Variants in CIMIP6 observed in about 807,000 individuals in gnomAD.
CIMIP6 encodes the protein uncharacterized protein C2orf73.
At chr2:54,359,492 C>G in the CIMIP6 span, among the ~76,000 whole-genome samples, 1 of 151,878 alleles carries the variant, frequency 6.6e-6, no homozygotes, top group African/African-American at 2.4e-5. Context: ...ATGCTGGGCA[C>G]AGTGACTTGA....
the CIMIP6 span, among the ~76,000 whole-genome samples, chr2:54,365,288 C>A: frequency 2.0e-5 from 3 of 151,902 alleles, no homozygotes; most frequent in African/African-American, 7.3e-5. Context: ...CTGGTTTGAA[C>A]CAGGAAACTT....
chr2:54,350,313 C>T, the CIMIP6 span, among the ~76,000 whole-genome samples: 1 of 152,218 alleles, frequency 6.6e-6, no homozygotes, highest in Non-Finnish European at 1.5e-5. Flanking sequence ...AAACAACAAT[C>T]ATCTTATTAG....
At chr2:54,333,841 G>A in the CIMIP6 span, among the ~76,000 whole-genome samples, 75 of 152,170 alleles carry the variant, frequency 4.9e-4, no homozygotes, top group African/African-American at 1.7e-3. Flanking sequence ...TGCAGTGAGC[G>A]GAGATAGCAC....
At chr2:54,366,067 T>C in the CIMIP6 span, among the ~76,000 whole-genome samples, 1 of 152,196 alleles carries the variant, frequency 6.6e-6, no homozygotes, top group East Asian at 1.9e-4. Context: ...AGTCATTACC[T>C]CTGTCTTACT....
At chr2:54,378,823 C>G in the CIMIP6 span, among the ~76,000 whole-genome samples, 5 of 152,322 alleles carry the variant, frequency 3.3e-5, no homozygotes, top group East Asian at 9.6e-4. Context: ...ACCCGCATGT[C>G]CTGAATTCTT....
chr2:54,346,871 C>G, the CIMIP6 span, among the ~76,000 whole-genome samples: 2,351 of 152,286 alleles, frequency 0.015, 65 homozygotes, highest in African/African-American at 0.054. Flanking sequence ...TACTTCTCAA[C>G]GTTCATAGAA....
chr2:54,366,076 C>T, the CIMIP6 span, among the ~76,000 whole-genome samples: 1 of 152,140 alleles, frequency 6.6e-6, no homozygotes, highest in Non-Finnish European at 1.5e-5. Flanking sequence ...CTCTGTCTTA[C>T]TAATAAAATC....
At chr2:54,369,723 G>A in the CIMIP6 span, among the ~76,000 whole-genome samples, 4 of 152,256 alleles carry the variant, frequency 2.6e-5, no homozygotes, top group Admixed American at 6.5e-5. Context: ...AGGCCACAAG[G>A]TAGTTTGTAA....
At chr2:54,364,638 G>A in the CIMIP6 span, among the ~76,000 whole-genome samples, 7 of 152,172 alleles carry the variant, frequency 4.6e-5, no homozygotes, top group African/African-American at 1.7e-4. Flanking sequence ...ATTCCCAGAT[G>A]TTAACCAACA....
the CIMIP6 span, among the ~76,000 whole-genome samples, chr2:54,335,256 A>T: frequency 2.0e-5 from 3 of 152,188 alleles, no homozygotes; most frequent in Non-Finnish European, 4.4e-5. Context: ...GGGTCAGATT[A>T]TTGCCACAAA....
At chr2:54,349,115 C>A in the CIMIP6 span, among the ~76,000 whole-genome samples, 10 of 152,296 alleles carry the variant, frequency 6.6e-5, no homozygotes, top group African/African-American at 2.4e-4. Flanking sequence ...TTTTGAATTG[C>A]AAATTCAGAT....
At chr2:54,360,384 A>G in the CIMIP6 span, 641 of 1,608,668 alleles carry the variant, frequency 4.0e-4, 1 homozygote, top group Middle Eastern at 3.3e-4. Flanking sequence ...CAAAATTCTC[A>G]GGAGCTGTTA....
chr2:54,374,755 C>G, the CIMIP6 span, among the ~76,000 whole-genome samples: 4 of 152,196 alleles, frequency 2.6e-5, no homozygotes, highest in Non-Finnish European at 5.9e-5. Context: ...AAGGCAGAAT[C>G]AGCCAGTGCT....
At chr2:54,367,204 A>G in the CIMIP6 span, among the ~76,000 whole-genome samples, 1 of 152,160 alleles carries the variant, frequency 6.6e-6, no homozygotes, top group Middle Eastern at 3.2e-3. Context: ...GTTAGGATGT[A>G]AGCAGAAAAG....
chr2:54,380,172 AAAAT>A, the CIMIP6 span, among the ~76,000 whole-genome samples: 50 of 152,178 alleles, frequency 3.3e-4, no homozygotes, highest in African/African-American at 1.1e-3. Flanking sequence ...AGAAGGAAGG[AAAAT>A]AAATGTGTTC....
the CIMIP6 span, among the ~76,000 whole-genome samples, chr2:54,358,166 T>C: frequency 6.6e-6 from 1 of 152,222 alleles, no homozygotes; most frequent in Non-Finnish European, 1.5e-5. Flanking sequence ...ACCCCTGTTA[T>C]TGGGCGAAAT....
the CIMIP6 span, chr2:54,381,747 A>G: frequency 1.4e-6 from 2 of 1,409,096 alleles, no homozygotes; most frequent in South Asian, 3.4e-5. Context: ...CTTTTCCATC[A>G]TGGGCACATT....
chr2:54,353,649 C>T, the CIMIP6 span, among the ~76,000 whole-genome samples: 1 of 152,090 alleles, frequency 6.6e-6, no homozygotes, highest in South Asian at 2.1e-4. Context: ...GCATGCCTTT[C>T]GTTAATCTCC....
the CIMIP6 span, among the ~76,000 whole-genome samples, chr2:54,341,244 G>A: frequency 6.6e-6 from 1 of 152,176 alleles, no homozygotes; most frequent in East Asian, 1.9e-4. Flanking sequence ...GGACCCTTAA[G>A]GGGTGACTAG....
Sources: allele counts gnomAD v4.1 joint callset (sites outside exome capture counted in the v4.1 genomes callset), GRCh38; gene constraint gnomAD v4.1.1; transcripts MANE v1.5; gene names NCBI Gene and HGNC (gene_info 2026-07-23, HGNC 2026-07-21).